Variants in HMCN1 observed in about 807,000 individuals in gnomAD.
HMCN1 encodes the protein hemicentin-1.
In HMCN1, 321 loss-of-function variants were observed where a neutral mutation model predicts 625.9. That is an observed-to-expected ratio of 0.51 (90% confidence interval 0.47 to 0.56). HMCN1 has a LOEUF of 0.56. HMCN1 is among the 20% of genes least tolerant of loss of function. The pLI, the probability that HMCN1 is intolerant of heterozygous loss-of-function variation, is 0.00. For synonymous variants in HMCN1, 2,425 were observed against 2,417.6 expected, an observed-to-expected ratio of 1.00 and a Z score of -0.09; for missense variants, 6,588 against 6,887.3, an observed-to-expected ratio of 0.96 and a Z score of 1.54.
At chr1:186,023,187 T>C (rs1455535378) in intron 36 of HMCN1, 34 bp downstream of exon 36, 8 of 1,587,424 alleles carry the variant, frequency 5.0e-6, no homozygotes, top group Non-Finnish European at 6.9e-6. Context: ...CAAAAGAATA[T>C]TTGTATCACT....
chr1:185,870,830 C>T (rs1049505767), intron 4 of HMCN1, among the ~76,000 whole-genome samples: 1 of 152,150 alleles, frequency 6.6e-6, no homozygotes, highest in Admixed American at 6.5e-5. Context: ...AGCTCTATAA[C>T]AATAGAACCA....
chr1:186,114,726 G>A, intron 73 of HMCN1, 93 bp from the exon 74 acceptor site: 6 of 1,436,980 alleles, frequency 4.2e-6, no homozygotes, highest in Non-Finnish European at 5.9e-6. Flanking sequence ...ATACTGAATG[G>A]ATTTCACCAA....
chr1:186,176,679 G>A (rs1387102258), intron 103 of HMCN1: 2 of 152,094 alleles, frequency 1.3e-5, no homozygotes, highest in Admixed American at 6.5e-5. Context: ...TACCTTCCAG[G>A]GAGAGAAAGA....
At chr1:185,799,102 A>T (rs1248622074) in intron 1 of HMCN1, among the ~76,000 whole-genome samples, 2 of 150,950 alleles carry the variant, frequency 1.3e-5, no homozygotes, top group Admixed American at 1.3e-4. Flanking sequence ...CTTGGTTCTA[A>T]GGGTGCTTTT....
Position 186,108,615 on chromosome 1 carries a change from C to A in HMCN1, c.10989+18C>A, listed in dbSNP as rs778747678. The A allele has an allele frequency of 1.2e-6, 2 of 1,613,950 alleles. No homozygotes were observed. Among genetic ancestry groups the A allele is most frequent in the East Asian group, 2.2e-5 (1 of 44,866 alleles). On this transcript the variant is annotated intron_variant, in intron 71 of 106. Coordinates refer to ENST00000271588, the MANE Select transcript of HMCN1 (RefSeq NM_031935.3). ...GGTTACAGGTAAATTTTTTGATAAG[C>A]TCCACAAATTCCTTTTTGAGATGAA... is the stretch of plus-strand genomic sequence containing the variant.
intron 36 of HMCN1, among the ~76,000 whole-genome samples, chr1:186,029,713 C>T (rs1186795912): frequency 6.6e-6 from 1 of 151,420 alleles, no homozygotes; most frequent in Admixed American, 6.6e-5. Flanking sequence ...CTGTTTTTCT[C>T]TTCTCTATTT....
Position 186,136,657 on chromosome 1 carries a change from T to G in HMCN1, c.13313-11T>G. 6.2e-7 allele frequency: 1 copy of G among 1,613,722 alleles called. No individual in the cohort carries two copies. The highest frequency in any genetic ancestry group is 8.5e-7 in the Non-Finnish European group (1 of 1,179,730). On this transcript the variant is annotated splice_polypyrimidine_tract_variant and intron_variant, in intron 86 of 106. Transcript: ENST00000271588. ...CACAAAAACTGAGACACTATGTGCTTTTTTCCGTAGGTCCTCCTATTATCA... is the reference window on the plus strand; with the variant it reads ...CACAAAAACTGAGACACTATGTGCTGTTTTCCGTAGGTCCTCCTATTATCA...
intron 11 of HMCN1, among the ~76,000 whole-genome samples, chr1:185,960,429 A>T (rs1033973718): frequency 6.6e-6 from 1 of 152,074 alleles, no homozygotes; most frequent in Non-Finnish European, 1.5e-5. Context: ...ATGCCCGGCA[A>T]TCAGCAGGAA....
chr1:186,103,112 C>T (rs879912423), intron 68 of HMCN1, among the ~76,000 whole-genome samples: 7 of 151,908 alleles, frequency 4.6e-5, no homozygotes, highest in African/African-American at 1.2e-4. Context: ...GATACAAAAA[C>T]ATAATAATAT....
intron 62 of HMCN1, 37 bp downstream of exon 62, chr1:186,088,313 T>C: frequency 1.9e-6 from 3 of 1,611,532 alleles, no homozygotes; most frequent in Non-Finnish European, 2.5e-6. Context: ...TGTGTGTGTT[T>C]TTTTCTCTTG....
rs771039792 is a variant in HMCN1, at chr1:186,187,970, C to T, written c.16502C>T (p.Thr5501Ile). ...AGAGGAAGCTACCAGTGCATCGATA[C>T]ACCCTGTCCACCCAACTACCAACGG... ...NMRGSYQCID[T>I]PCPPNYQRDP... The change falls in exon 106 of 107, where the codon ACA becomes ATA. Residue 5501 changes from threonine (T) to isoleucine (I), a missense_variant. By Grantham distance (89) the Thr-to-Ile change is moderately conservative. Coordinates refer to ENST00000271588, the MANE Select transcript of HMCN1 (RefSeq NM_031935.3). 2.5e-6 allele frequency: 4 copies of T among 1,613,868 alleles called. No homozygotes were observed. The highest frequency in any genetic ancestry group is 1.7e-5 in the Admixed American group (1 of 59,994).
intron 1 of HMCN1, among the ~76,000 whole-genome samples, chr1:185,753,330 A>G (rs749611687): frequency 6.6e-6 from 1 of 152,096 alleles, no homozygotes; most frequent in African/African-American, 2.4e-5. Flanking sequence ...CTCAGTTTTC[A>G]TTCCCAATAT....
intron 30 of HMCN1, among the ~76,000 whole-genome samples, chr1:186,014,485 G>C (rs1435899257): frequency 6.6e-6 from 1 of 151,952 alleles, no homozygotes; most frequent in East Asian, 1.9e-4. Context: ...ATGATAGCAT[G>C]ATCCTGGAAT....
intron 16 of HMCN1, among the ~76,000 whole-genome samples, chr1:185,980,597 T>A (rs1010393571): frequency 6.6e-6 from 1 of 151,308 alleles, no homozygotes; most frequent in South Asian, 2.1e-4. Context: ...AACAGGGTGG[T>A]GGTGCAGAGC....
intron 45 of HMCN1, among the ~76,000 whole-genome samples, chr1:186,057,028 A>G (rs1025446802): frequency 9.0e-6 from 1 of 110,822 alleles, no homozygotes; most frequent in Non-Finnish European, 1.8e-5. Flanking sequence ...ACTTCCAGGA[A>G]TGTCACACAC....
chr1:185,981,925 C>G (rs1373255260), intron 17 of HMCN1, among the ~76,000 whole-genome samples: 1 of 152,142 alleles, frequency 6.6e-6, no homozygotes, highest in Non-Finnish European at 1.5e-5. Context: ...GATGATTCCA[C>G]TTTTCCACTT....
chr1:185,990,113 G>C (rs1197668444), intron 21 of HMCN1, among the ~76,000 whole-genome samples, 162 bp from the exon 22 acceptor site: 1 of 152,122 alleles, frequency 6.6e-6, no homozygotes, highest in Non-Finnish European at 1.5e-5. Flanking sequence ...TTCTCTTTTA[G>C]TTCTCACAAT....
Position 186,189,650 on chromosome 1 carries a change from T to C in HMCN1, c.16680T>C (p.Asp5560=). Residue 5560 remains aspartate, a synonymous_variant, in exon 107 of 107, where the codon GAT becomes GAC. Transcript: ENST00000271588. ...DLIRLVAYTQ[D]GVMHPRTTFL... is the part of the protein sequence containing the mutation. ...TCCGGCTGGTTGCATACACACAGGA[T>C]GGAGTGATGCATCCCAGGACAACTT... 6.2e-7 allele frequency: 1 copy of C among 1,612,282 alleles called. No individual in the cohort carries two copies.
intron 41 of HMCN1, among the ~76,000 whole-genome samples, chr1:186,046,274 G>C (rs1334538619): frequency 6.6e-6 from 1 of 152,076 alleles, no homozygotes; most frequent in South Asian, 2.1e-4. Flanking sequence ...TTCGAGACCA[G>C]CCCAGCCAAC....
Sources: allele counts gnomAD v4.1 joint callset (sites outside exome capture counted in the v4.1 genomes callset), GRCh38; gene constraint gnomAD v4.1.1; transcripts MANE v1.5; gene names NCBI Gene and HGNC (gene_info 2026-07-23, HGNC 2026-07-21).